The following SHQ1 variants were observed in gnomAD, a reference collection of about 807,000 sequenced individuals.
SHQ1 encodes SHQ1, H/ACA ribonucleoprotein assembly factor.
A neutral mutation model predicts 53.8 loss-of-function variants in SHQ1; 49 were observed. The ratio of observed to expected loss-of-function variants is 0.91; its 90% CI spans 0.72 to 1.16. The LOEUF (loss-of-function observed/expected upper bound fraction) is 1.16. Ranked by LOEUF, SHQ1 falls within the 50% of genes most tolerant of loss-of-function variation. The pLI, the probability that SHQ1 is intolerant of heterozygous loss-of-function variation, is 0.00. For synonymous variants in SHQ1, 243 were observed against 251.0 expected, an observed-to-expected ratio of 0.97 and a Z score of 0.30; for missense variants, 738 against 683.1, an observed-to-expected ratio of 1.08 and a Z score of -0.90.
chr3:72,786,584 C>G (rs1025736687), intron 10 of SHQ1, among the ~76,000 whole-genome samples: 2 of 152,196 alleles, frequency 1.3e-5, no homozygotes, highest in African/African-American at 4.8e-5. Context: ...CAGCTCTCAG[C>G]TTAAACTCTT....
At chr3:72,800,169 G>A (rs574770103) in intron 9 of SHQ1, among the ~76,000 whole-genome samples, 1 of 152,210 alleles carries the variant, frequency 6.6e-6, no homozygotes, top group East Asian at 1.9e-4. Flanking sequence ...TTCTCACCAT[G>A]TGATACCCTC....
chr3:72,785,313 T>G (rs1290151443), intron 10 of SHQ1, among the ~76,000 whole-genome samples: 1 of 152,162 alleles, frequency 6.6e-6, no homozygotes, highest in Non-Finnish European at 1.5e-5. Flanking sequence ...AGTTTTGCTG[T>G]AAAAGTCTGA....
At chr3:72,785,324 G>A (rs1212929167) in intron 10 of SHQ1, among the ~76,000 whole-genome samples, 1 of 152,172 alleles carries the variant, frequency 6.6e-6, no homozygotes, top group Non-Finnish European at 1.5e-5. Context: ...AAAAGTCTGA[G>A]TGAGTTTCTC....
chr3:72,799,197 A>G (rs1359869682), intron 9 of SHQ1, among the ~76,000 whole-genome samples: 1 of 152,152 alleles, frequency 6.6e-6, no homozygotes, highest in Non-Finnish European at 1.5e-5. Context: ...AAGTAAAGAA[A>G]AAAAGAGTGG....
chr3:72,733,801 A>C, the SHQ1 span, among the ~76,000 whole-genome samples: 20 of 151,700 alleles, frequency 1.3e-4, 2 homozygotes, highest in Non-Finnish European at 2.9e-4. Flanking sequence ...CTTTAAAATA[A>C]AATGTAAGTT....
At chr3:72,815,096 CT>C (rs1164214893) in intron 8 of SHQ1, among the ~76,000 whole-genome samples, 1 of 152,116 alleles carries the variant, frequency 6.6e-6, no homozygotes, top group Non-Finnish European at 1.5e-5. Flanking sequence ...ACCTCTCACT[CT>C]GCCCCCACAT....
intron 5 of SHQ1, among the ~76,000 whole-genome samples, chr3:72,831,375 G>A (rs1021160943): frequency 2.6e-5 from 4 of 152,170 alleles, no homozygotes; most frequent in South Asian, 4.1e-4. Context: ...ACATGAAAAG[G>A]ATATACAAAA....
intron 9 of SHQ1, among the ~76,000 whole-genome samples, chr3:72,811,065 G>A (rs972901124): frequency 1.3e-4 from 20 of 152,108 alleles, no homozygotes; most frequent in East Asian, 3.8e-4. Flanking sequence ...CAAGGCAATC[G>A]AATTTATTTT....
At chr3:72,779,216 A>T (rs1706022279) in intron 10 of SHQ1, among the ~76,000 whole-genome samples, 1 of 152,188 alleles carries the variant, frequency 6.6e-6, no homozygotes, top group Non-Finnish European at 1.5e-5. Context: ...TCTCTAGGTT[A>T]CAGCCACCTT....
At chr3:72,797,579 C>T (rs1465103695) in intron 9 of SHQ1, among the ~76,000 whole-genome samples, 1 of 152,204 alleles carries the variant, frequency 6.6e-6, no homozygotes, top group East Asian at 1.9e-4. Flanking sequence ...AACTGAGAAG[C>T]AATATTTAGA....
rs41291199 is a variant in SHQ1, at chr3:72,817,398, C to G, written c.728-14G>C. The G allele has an allele frequency of 6.3e-7, 1 of 1,591,824 alleles. No individual in the cohort carries two copies. The highest frequency in any genetic ancestry group is 8.6e-7 in the Non-Finnish European group (1 of 1,167,244). On this transcript the variant is annotated splice_polypyrimidine_tract_variant and intron_variant, in intron 6 of 10. Coordinates refer to ENST00000325599, the MANE Select transcript of SHQ1 (RefSeq NM_018130.3). ...CAGAAAAAGACACTAGAAGAAAACG[C>G]ATTTAAAAACTAGATGTTTCATTCA...
chr3:72,846,854 A>T (rs1022653288), intron 1 of SHQ1, among the ~76,000 whole-genome samples: 2 of 152,222 alleles, frequency 1.3e-5, no homozygotes, highest in Admixed American at 1.3e-4. Flanking sequence ...CAAATGAGAT[A>T]ATCCGTATAA....
the SHQ1 span, among the ~76,000 whole-genome samples, chr3:72,736,792 C>A: frequency 0.012 from 1,274 of 105,112 alleles, no homozygotes; most frequent in Admixed American, 0.014. Flanking sequence ...GACTCCGTTT[C>A]AAAAAAAAAA....
chr3:72,726,514 G>A, the SHQ1 span, among the ~76,000 whole-genome samples: 1 of 152,152 alleles, frequency 6.6e-6, no homozygotes, highest in East Asian at 1.9e-4. Context: ...CACCACGTCA[G>A]CTAATTTTTG....
chr3:72,752,981 A>C lies in SHQ1; in HGVS notation c.1182-2145T>G. ...ACCAGCCGAAGACGCTTTTCCTCTA[A>C]ATTACCTGCTAGATTTATAATATTA... is the stretch of plus-strand genomic sequence containing the variant. On this transcript the variant is annotated intron_variant, in intron 10 of 10. Coordinates refer to ENST00000325599, the MANE Select transcript of SHQ1 (RefSeq NM_018130.3). The C allele has an allele frequency of 3.0e-6, 3 of 985,390 alleles. No homozygotes were observed. The South Asian group carries it at 1.4e-4, about 46-fold the overall frequency. The allele number at this position is 985,390 out of a possible 1,614,324, so 61.0% of individuals were successfully genotyped here. A position where few individuals can be genotyped will look rare whatever the true frequency, so the allele number is the denominator to read the frequency against.
At chr3:72,743,265 G>A in the SHQ1 span, among the ~76,000 whole-genome samples, 1 of 152,208 alleles carries the variant, frequency 6.6e-6, no homozygotes. Context: ...TCTTCCAGAA[G>A]GACCTGGCCC....
Position 72,773,173 on chromosome 3 carries a change from A to C in SHQ1, c.1181+19743T>G, listed in dbSNP as rs1018762388. ...GGAATTTTGGAAAAAGACATAAAAAACCAGTCCAGAGTTTTCAGGAGCAAG... is the reference window on the plus strand; with the variant it reads ...GGAATTTTGGAAAAAGACATAAAAACCCAGTCCAGAGTTTTCAGGAGCAAG... On this transcript the variant is annotated intron_variant, in intron 10 of 10. Transcript: ENST00000325599. The C allele has an allele frequency of 8.1e-6, 6 of 738,498 alleles. No individual in the cohort carries two copies. The Admixed American group carries it at 1.1e-4, about 13-fold the overall frequency. 45.7% of individuals were successfully genotyped at this position (738,498 alleles called of 1,614,324 possible). A position where few individuals can be genotyped will look rare whatever the true frequency, so the allele number is the denominator to read the frequency against.
At chr3:72,840,560 CAAAAAAAAA>C (rs572046519) in intron 4 of SHQ1, among the ~76,000 whole-genome samples, 1 of 97,376 alleles carries the variant, frequency 1.0e-5, no homozygotes, top group Non-Finnish European at 2.3e-5. Flanking sequence ...GACTCCGTCT[CAAAAAAAAA>C]AAAAAAAAGA....
chr3:72,729,446 A>G, the SHQ1 span, among the ~76,000 whole-genome samples: 1 of 152,182 alleles, frequency 6.6e-6, no homozygotes, highest in Admixed American at 6.5e-5. Context: ...TGCATTACCC[A>G]CCAGGAAACA....
Sources: gnomAD v4.1 joint callset for allele counts (sites outside exome capture counted in the v4.1 genomes callset) on GRCh38, gnomAD v4.1.1 for gene constraint, MANE v1.5 for transcripts, NCBI Gene and HGNC (gene_info 2026-07-23, HGNC 2026-07-21) for gene names.